Variants in WWOX observed in about 807,000 individuals in gnomAD.
WWOX encodes WW domain-containing oxidoreductase.
Under a neutral mutation model 46.2 loss-of-function variants are expected in WWOX, and 69 were observed. The ratio of observed to expected loss-of-function variants is 1.49; its 90% CI spans 1.23 to 1.82. The LOEUF is 1.82. Among genes scored for constraint, WWOX ranks in the 40% most tolerant of loss-of-function variants. The probability of loss-of-function intolerance (pLI) is 0.00; values close to 1 mark genes in which losing one functional copy is unlikely to be tolerated. For missense variants in WWOX, 919 were observed against 542.6 expected, an observed-to-expected ratio of 1.69 and a Z score of -6.89; for synonymous variants, 359 against 202.6, an observed-to-expected ratio of 1.77 and a Z score of -6.56.
At chr16:79,164,496 G>T (rs945945144) in intron 8 of WWOX, among the ~76,000 whole-genome samples, 4 of 152,096 alleles carry the variant, frequency 2.6e-5, no homozygotes, top group Non-Finnish European at 5.9e-5. Flanking sequence ...ATGGGGGGAT[G>T]GGGGGAGGCC....
intron 8 of WWOX, among the ~76,000 whole-genome samples, chr16:78,585,038 G>C (rs760664346): frequency 2.0e-5 from 3 of 152,146 alleles, no homozygotes; most frequent in African/African-American, 4.8e-5. Context: ...ATTCAGCTGA[G>C]GCCTCCACCC....
At chr16:78,755,097 A>C (rs2049607861) in intron 8 of WWOX, among the ~76,000 whole-genome samples, 4 of 151,886 alleles carry the variant, frequency 2.6e-5, no homozygotes. Context: ...TATCTAATGC[A>C]TGCGGGGCTT....
chr16:78,260,634 C>G lies in WWOX; in HGVS notation c.516+96345C>G, dbSNP rs1038929086. ...AGTGAGCCGAGATTGCACCACTGCA[C>G]TCCAGCCTGGGTGACAAAGCTATAC... is the stretch of plus-strand genomic sequence containing the variant. On this transcript the variant is annotated intron_variant, in intron 5 of 8. Coordinates refer to ENST00000566780, the MANE Select transcript of WWOX (RefSeq NM_016373.4). 1.2e-4 allele frequency among the ~76,000 whole-genome samples: 18 copies of G among 150,490 alleles called. 2 individuals are homozygous for G. The highest frequency in any genetic ancestry group is 2.0e-4 in the Admixed American group (3 of 15,152).
intron 8 of WWOX, among the ~76,000 whole-genome samples, chr16:78,694,084 T>C (rs2048048398): frequency 6.6e-6 from 1 of 151,992 alleles, no homozygotes; most frequent in Non-Finnish European, 1.5e-5. Flanking sequence ...ATATAAAAAT[T>C]ACCTAGGCGT....
intron 8 of WWOX, among the ~76,000 whole-genome samples, chr16:78,771,478 A>T (rs1014373898): frequency 6.6e-6 from 1 of 152,216 alleles, no homozygotes; most frequent in Non-Finnish European, 1.5e-5. Flanking sequence ...ATCCTTAAAA[A>T]TGCTTAAAAT....
intron 8 of WWOX, among the ~76,000 whole-genome samples, chr16:78,495,423 G>A (rs1173469614): frequency 6.6e-6 from 1 of 151,856 alleles, no homozygotes; most frequent in Non-Finnish European, 1.5e-5. Flanking sequence ...TTACAGGCGT[G>A]AGCCACTGCA....
At chr16:78,128,031 G>A (rs2033431712) in intron 4 of WWOX, among the ~76,000 whole-genome samples, 1 of 152,192 alleles carries the variant, frequency 6.6e-6, no homozygotes, top group Non-Finnish European at 1.5e-5. Flanking sequence ...CTGTAATGAA[G>A]AAGTCCAATA....
intron 8 of WWOX, among the ~76,000 whole-genome samples, chr16:78,905,297 C>G (rs567838106): frequency 1.8e-4 from 28 of 152,182 alleles, no homozygotes; most frequent in African/African-American, 6.7e-4. Context: ...TATTTACTTC[C>G]AATATGAAGC....
At chr16:78,142,978 G>T (rs890881118) in intron 4 of WWOX, among the ~76,000 whole-genome samples, 2 of 152,070 alleles carry the variant, frequency 1.3e-5, no homozygotes, top group Non-Finnish European at 2.9e-5. Flanking sequence ...ATTTAAGTTG[G>T]CTTTCTCCAG....
intron 8 of WWOX, among the ~76,000 whole-genome samples, chr16:78,832,272 T>C (rs965951415): frequency 1.3e-5 from 2 of 152,160 alleles, no homozygotes; most frequent in Non-Finnish European, 2.9e-5. Flanking sequence ...CTGTACAGCT[T>C]CAGGAGCAGC....
rs191497660 is a variant in WWOX, at chr16:79,210,034, A to C, written c.1057-1574A>C. Reference sequence around the variant, plus strand: ...TAACAAACCAGCTACTATTAAGTTCAAGTCATGTCAGTTATTCAAATTCAG... The same window carrying C: ...TAACAAACCAGCTACTATTAAGTTCCAGTCATGTCAGTTATTCAAATTCAG... On this transcript the variant is annotated intron_variant, in intron 8 of 8. Transcript: ENST00000566780. Among the ~76,000 whole-genome samples, 148 of 152,340 alleles carry C rather than the reference A, an allele frequency of 9.7e-4. 1 individual carries two copies. The highest frequency in any genetic ancestry group is 3.4e-4 in the Non-Finnish European group (23 of 68,028).
At chr16:79,013,716 G>A (rs775583942) in intron 8 of WWOX, among the ~76,000 whole-genome samples, 1 of 152,226 alleles carries the variant, frequency 6.6e-6, no homozygotes, top group South Asian at 2.1e-4. Flanking sequence ...TCTGAAATCA[G>A]ATGGGAGCTC....
intron 8 of WWOX, among the ~76,000 whole-genome samples, chr16:78,671,594 C>T (rs969977235): frequency 6.6e-6 from 1 of 152,012 alleles, no homozygotes. Flanking sequence ...CTCTCAGAGC[C>T]CTGATTTTCT....
At chr16:78,849,596 AACAACT>A (rs370327509) in intron 8 of WWOX, among the ~76,000 whole-genome samples, 109 of 150,324 alleles carry the variant, frequency 7.3e-4, no homozygotes, top group Middle Eastern at 3.4e-3. Flanking sequence ...AAAAAAAGAA[AACAACT>A]ACAACCACAT....
intron 8 of WWOX, among the ~76,000 whole-genome samples, chr16:78,977,097 A>C (rs1323544166): frequency 1.3e-5 from 2 of 152,186 alleles, no homozygotes; most frequent in African/African-American, 4.8e-5. Flanking sequence ...GCCTCCAGGC[A>C]ATTTCCTACA....
At chr16:78,855,282 A>T (rs1163436503) in intron 8 of WWOX, among the ~76,000 whole-genome samples, 1 of 152,214 alleles carries the variant, frequency 6.6e-6, no homozygotes. Flanking sequence ...AAGAATTTAT[A>T]GGAGTCATCT....
intron 8 of WWOX, among the ~76,000 whole-genome samples, chr16:78,857,744 C>T (rs1429020597): frequency 2.0e-5 from 3 of 152,184 alleles, no homozygotes; most frequent in East Asian, 1.9e-4. Context: ...TTGACTCATG[C>T]TCATAACTCG....
At chr16:78,637,386 A>T (rs1263115836) in intron 8 of WWOX, among the ~76,000 whole-genome samples, 5 of 151,900 alleles carry the variant, frequency 3.3e-5, no homozygotes, top group Non-Finnish European at 7.4e-5. Context: ...GGTTGCAGTG[A>T]GCCAAGACAG....
intron 8 of WWOX, among the ~76,000 whole-genome samples, chr16:78,827,459 A>G (rs8048851): frequency 6.6e-6 from 1 of 151,712 alleles, no homozygotes; most frequent in Non-Finnish European, 1.5e-5. Context: ...CTGTTCTGCA[A>G]GTTTCTCCTT....
Sources: allele counts gnomAD v4.1 joint callset (sites outside exome capture counted in the v4.1 genomes callset), GRCh38; gene constraint gnomAD v4.1.1; transcripts MANE v1.5; gene names NCBI Gene and HGNC (gene_info 2026-07-23, HGNC 2026-07-21).